PARP4: variants seen among roughly 807,000 people sequenced by gnomAD.
PARP4 encodes the protein protein mono-ADP-ribosyltransferase PARP4.
In PARP4, 120 loss-of-function variants were observed where a neutral mutation model predicts 187.7. That is an observed-to-expected ratio of 0.64 (90% confidence interval 0.55 to 0.74). PARP4 has a LOEUF of 0.74. PARP4 is among the 30% of genes least tolerant of loss of function. The pLI is 0.00. For missense variants in PARP4, 1,836 were observed against 2,070.5 expected, an observed-to-expected ratio of 0.89 and a Z score of 2.20; for synonymous variants, 654 against 740.9, an observed-to-expected ratio of 0.88 and a Z score of 1.90.
intron 27 of PARP4, among the ~76,000 whole-genome samples, chr13:24,446,026 A>C (rs2137459806): frequency 6.6e-6 from 1 of 152,366 alleles, no homozygotes; most frequent in South Asian, 2.1e-4. Flanking sequence ...TTTTTCTTTC[A>C]TAATTCATTT....
At chr13:24,472,203 C>T (rs776624002) in intron 15 of PARP4, among the ~76,000 whole-genome samples, 2 of 152,118 alleles carry the variant, frequency 1.3e-5, no homozygotes, top group Non-Finnish European at 2.9e-5. Flanking sequence ...TTAAGTACTG[C>T]ATGTGGAAAA....
At position 24,449,566 on chromosome 13, in the gene PARP4, C is replaced by T. The variant is rs1312616474; in HGVS notation, c.3114+152G>A. On this transcript the variant is annotated intron_variant, in intron 25 of 33. Coordinates refer to ENST00000381989, the MANE Select transcript of PARP4 (RefSeq NM_006437.4). ...AAGAACACCTGTGTTCCCGCTGGTG[C>T]AGTCCTGAGGCAGGGCTCACACCTG... 33 of 503,632 alleles carry T rather than the reference C, an allele frequency of 6.6e-5. No homozygotes were observed. The Admixed American group carries it at 1.2e-3, about 18-fold the overall frequency. 31.2% of individuals were successfully genotyped at this position (503,632 alleles called of 1,614,324 possible). A position where few individuals can be genotyped will look rare whatever the true frequency, so the allele number is the denominator to read the frequency against.
chr13:24,493,572 T>C, intron 8 of PARP4, 24 bp downstream of exon 8: 1 of 1,587,404 alleles, frequency 6.3e-7, no homozygotes. Flanking sequence ...TTTCACATTC[T>C]GTTTCAGCGA....
chr13:24,422,255 C>T lies in PARP4; in HGVS notation c.4980-941G>A, dbSNP rs367791070. On this transcript the variant is annotated intron_variant, in intron 33 of 33. Coordinates refer to ENST00000381989, the MANE Select transcript of PARP4 (RefSeq NM_006437.4). ...GGTGGAAATCAACAAAGCTTACAAACTTAACATGCTTACTAGTCCCTAGTG... is the reference window on the plus strand; with the variant it reads ...GGTGGAAATCAACAAAGCTTACAAATTTAACATGCTTACTAGTCCCTAGTG... Among the ~76,000 whole-genome samples the T allele has an allele frequency of 1.2e-3, 176 of 152,314 alleles. 3 individuals carry two copies. In the East Asian group the frequency reaches 0.018, roughly 16 times the overall value.
At chr13:24,427,430 G>C (rs1202762166) in intron 32 of PARP4, among the ~76,000 whole-genome samples, 3 of 150,304 alleles carry the variant, frequency 2.0e-5, no homozygotes, top group Non-Finnish European at 4.4e-5. Context: ...AGTGCAGTGG[G>C]TGTGATCAGA....
intron 21 of PARP4, among the ~76,000 whole-genome samples, chr13:24,455,506 T>TATATATATATATATATATCTCA (rs1555234626): frequency 7.4e-6 from 1 of 135,450 alleles, no homozygotes; most frequent in Non-Finnish European, 1.6e-5. Flanking sequence ...TATATATATA[T>TATATATATATATATATATCTCA]CACACTATTC....
intron 27 of PARP4, among the ~76,000 whole-genome samples, chr13:24,444,368 A>G (rs1418873709): frequency 6.6e-6 from 1 of 152,304 alleles, no homozygotes; most frequent in African/African-American, 2.4e-5. Flanking sequence ...ATTCTCCCTT[A>G]TCAGTACCCA....
intron 6 of PARP4, 149 bp from the exon 7 acceptor site, chr13:24,494,871 TTC>T (rs1868859185): frequency 1.8e-6 from 1 of 545,850 alleles, no homozygotes; most frequent in Non-Finnish European, 3.1e-6. Flanking sequence ...TCTTTTTCTT[TTC>T]TTTTTCTTTT....
At chr13:24,511,529 C>A (rs73154401) in intron 1 of PARP4, among the ~76,000 whole-genome samples, 16,271 of 152,192 alleles carry the variant, frequency 0.11, 1,166 homozygotes, top group Non-Finnish European at 0.16. Context: ...AAACCCTCAG[C>A]GCGCCTCCTC....
At chr13:24,440,164 T>C (rs1870844952) in intron 30 of PARP4, among the ~76,000 whole-genome samples, 1 of 152,048 alleles carries the variant, frequency 6.6e-6, no homozygotes, top group African/African-American at 2.4e-5. Flanking sequence ...TCCCAGCACT[T>C]TGGGAGGCCG....
Position 24,459,326 on chromosome 13 carries a change from T to C in PARP4, c.2299-16A>G, listed in dbSNP as rs760543662. The C allele has an allele frequency of 5.9e-6, 9 of 1,527,066 alleles. No individual in the cohort carries two copies. The highest frequency in any genetic ancestry group is 2.3e-5 in the East Asian group (1 of 44,130). The allele number at this position is 1,527,066 out of a possible 1,614,324, so 94.6% of individuals were successfully genotyped here. On this transcript the variant is annotated splice_polypyrimidine_tract_variant and intron_variant, in intron 18 of 33. Transcript: ENST00000381989. ...CTACTGTATCCTGTTAAAAGAAAAATACATTTGTATAACTAAGCATATATT... is the reference window on the plus strand; with the variant it reads ...CTACTGTATCCTGTTAAAAGAAAAACACATTTGTATAACTAAGCATATATT...
chr13:24,486,373 G>A (rs1873557261), intron 10 of PARP4, 68 bp from the exon 11 acceptor site: 2 of 1,038,396 alleles, frequency 1.9e-6, no homozygotes, highest in Non-Finnish European at 2.9e-6. Context: ...CATTATAGCA[G>A]AAGAAATCCC....
At chr13:24,448,179 C>T (rs1282437449) in intron 25 of PARP4, among the ~76,000 whole-genome samples, 4 of 152,084 alleles carry the variant, frequency 2.6e-5, no homozygotes, top group African/African-American at 7.2e-5. Flanking sequence ...CACTGAATTC[C>T]AGCCTGGGTG....
At chr13:24,489,607 T>C (rs1184629821) in intron 10 of PARP4, among the ~76,000 whole-genome samples, 1 of 151,962 alleles carries the variant, frequency 6.6e-6, no homozygotes, top group Non-Finnish European at 1.5e-5. Context: ...AGACTCCGTC[T>C]CAAAAAAATA....
intron 18 of PARP4, 48 bp from the exon 19 acceptor site, chr13:24,459,358 C>A: frequency 6.9e-7 from 1 of 1,450,834 alleles, no homozygotes; most frequent in Non-Finnish European, 9.4e-7. Flanking sequence ...TATTAAGTTT[C>A]ACAATGAGAC....
intron 1 of PARP4, among the ~76,000 whole-genome samples, chr13:24,509,441 A>C (rs1305432635): frequency 2.6e-5 from 4 of 151,848 alleles, no homozygotes; most frequent in Non-Finnish European, 5.9e-5. Context: ...TGGGAGGTCA[A>C]GGCTGCAGTG....
At position 24,486,207 on chromosome 13, in the gene PARP4, T is replaced by C. The variant is rs1333615785; in HGVS notation, c.1313A>G (p.His438Arg). ...SKLGNVRPLL[H>R]GSPVQNIVGI... ...CACGATGTTTTGTACAGGAGAACCATGCAACAAGGGCCTCACATTACCAAG... is the reference window on the plus strand; with the variant it reads ...CACGATGTTTTGTACAGGAGAACCACGCAACAAGGGCCTCACATTACCAAG... Residue 438 changes from histidine (H) to arginine (R), a missense_variant, in exon 11 of 34, where the codon CAT becomes CGT. This residue lies in a region of PARP4 where 1,147 missense variants were observed against 1,214.2 expected (regional missense o/e 0.94). Coordinates refer to ENST00000381989, the MANE Select transcript of PARP4 (RefSeq NM_006437.4). 1.9e-6 allele frequency: 3 copies of C among 1,614,010 alleles called. No individual in the cohort carries two copies. Among genetic ancestry groups the C allele is most frequent in the Middle Eastern group, 3.3e-4 (2 of 6,060 alleles).
At chr13:24,471,790 C>T (rs187458614) in intron 15 of PARP4, among the ~76,000 whole-genome samples, 4 of 152,280 alleles carry the variant, frequency 2.6e-5, no homozygotes, top group Admixed American at 1.3e-4. Context: ...GGAGGACACA[C>T]GCCTCTCCCT....
chr13:24,485,543 TAA>T (rs945938603), intron 11 of PARP4, among the ~76,000 whole-genome samples: 7 of 152,202 alleles, frequency 4.6e-5, no homozygotes, highest in African/African-American at 1.7e-4. Context: ...TGTTTCTTTT[TAA>T]GTTTCTTCTG....
Sources: gnomAD v4.1 joint callset for allele counts (sites outside exome capture counted in the v4.1 genomes callset) on GRCh38, gnomAD v4.1.1 for gene constraint, gnomAD v4.1.1 regional missense constraint, MANE v1.5 for transcripts, NCBI Gene and HGNC (gene_info 2026-07-23, HGNC 2026-07-21) for gene names.